Variants in H6PD observed in about 807,000 individuals in gnomAD.
H6PD encodes GDH/6PGL endoplasmic bifunctional protein.
Under a neutral mutation model 61.2 loss-of-function variants are expected in H6PD, and 48 were observed. The observed-to-expected ratio is 0.78, with a 90% CI of 0.62 to 1.00. The LOEUF is 1.00. Among genes scored for constraint, H6PD ranks in the 50% least tolerant of loss-of-function variants. H6PD has a pLI of 0.00. For synonymous variants in H6PD, 480 were observed against 457.9 expected (o/e 1.05, Z -0.62); for missense variants, 1,093 against 1,065.0 (o/e 1.03, Z -0.37).
At position 9,264,098 on chromosome 1, in the gene H6PD, G is replaced by T; in HGVS notation, c.1605G>T (p.Gly535=). The change falls in exon 5 of 5, where the codon GGG becomes GGT. Residue 535 remains glycine, a synonymous_variant. Coordinates refer to ENST00000377403, the MANE Select transcript of H6PD (RefSeq NM_004285.4). ...CGGAGCAGCTGGTGCCAGGGCCAGGGCCGGCCCCAATGCCCAGTGACTTCC... is the reference window on the plus strand; with the variant it reads ...CGGAGCAGCTGGTGCCAGGGCCAGGTCCGGCCCCAATGCCCAGTGACTTCC... ...QQPEQLVPGP[G]PAPMPSDFQV... The T allele has an allele frequency of 6.2e-7, 1 of 1,613,974 alleles. No homozygotes were observed.
chr1:9,237,016 C>G (rs941045052), intron 1 of H6PD, among the ~76,000 whole-genome samples: 4 of 152,114 alleles, frequency 2.6e-5, no homozygotes, highest in Non-Finnish European at 4.4e-5. Flanking sequence ...AGTTAGTGTT[C>G]GGAACAGCTT....
chr1:9,260,254 A>T (rs1190623399), intron 3 of H6PD, among the ~76,000 whole-genome samples: 1 of 146,648 alleles, frequency 6.8e-6, no homozygotes, highest in Non-Finnish European at 1.5e-5. Flanking sequence ...TCGTTACACC[A>T]GTGCTGTTAT....
intron 3 of H6PD, among the ~76,000 whole-genome samples, chr1:9,258,642 A>C (rs1368117661): frequency 1.4e-5 from 2 of 146,804 alleles, no homozygotes; most frequent in African/African-American, 5.3e-5. Flanking sequence ...GTGTTGTGCC[A>C]GTGTTATGCC....
chr1:9,243,477 A>C (rs1641058939), intron 1 of H6PD, among the ~76,000 whole-genome samples: 1 of 151,944 alleles, frequency 6.6e-6, no homozygotes, highest in African/African-American at 2.4e-5. Context: ...CCCCATTTCC[A>C]CCGTGGATTT....
chr1:9,253,852 C>G (rs2100358200), intron 3 of H6PD, among the ~76,000 whole-genome samples: 1 of 152,340 alleles, frequency 6.6e-6, no homozygotes, highest in Non-Finnish European at 1.5e-5. Flanking sequence ...GGTAGCCCTT[C>G]TCTTACAGCA....
chr1:9,263,678 C>T lies in H6PD; in HGVS notation c.1185C>T (p.Pro395=). Reference sequence around the variant, plus strand: ...CCGCGGCGCAGAGCCAGTGCCTGCCCCGGCAGCTCGTCTTCCACATCGGCC... The same window carrying T: ...CCGCGGCGCAGAGCCAGTGCCTGCCTCGGCAGCTCGTCTTCCACATCGGCC... ...HWAAAQSQCL[P]RQLVFHIGHG... The change falls in exon 5 of 5, where the codon CCC becomes CCT. Residue 395 remains proline, a synonymous_variant. Coordinates refer to ENST00000377403, the MANE Select transcript of H6PD (RefSeq NM_004285.4). 5 of 1,614,060 alleles carry T rather than the reference C, an allele frequency of 3.1e-6. No homozygotes were observed. The highest frequency in any genetic ancestry group is 3.4e-6 in the Non-Finnish European group (4 of 1,180,016).
chr1:9,245,010 GTC>G lies in H6PD; in HGVS notation c.79_80del (p.Ser27HisfsTer12). On this transcript the variant is annotated frameshift_variant, in exon 2 of 5. Coordinates refer to ENST00000377403, the MANE Select transcript of H6PD (RefSeq NM_004285.4). LOFTEE classifies it high-confidence loss of function. The surrounding 1 kb of genome is among the most constrained non-coding windows in gnomAD (Gnocchi z 4.8). ...GCAAGCCCAGGAGCTCCAGGGACATGTCTCCATAATCCTGCTGGGAGCAACTG... is the reference window on the plus strand; with the variant it reads ...GCAAGCCCAGGAGCTCCAGGGACATGTCCATAATCCTGCTGGGAGCAACTG... The part of the protein sequence containing the change: ...CLQAQELQGH[V>X]SIILLGATGD... 6.2e-7 allele frequency: 1 copy of G among 1,614,184 alleles called. No individual in the cohort carries two copies. Among genetic ancestry groups the G allele is most frequent in the Non-Finnish European group, 8.5e-7 (1 of 1,179,990 alleles).
intron 3 of H6PD, among the ~76,000 whole-genome samples, chr1:9,248,028 A>G (rs1641239893): frequency 6.6e-6 from 1 of 152,218 alleles, no homozygotes; most frequent in African/African-American, 2.4e-5. Flanking sequence ...CCCACAGTAG[A>G]AGGCGGTGGA....
At chr1:9,241,393 ATTTATTTAT>A (rs1490227241) in intron 1 of H6PD, among the ~76,000 whole-genome samples, 2 of 151,066 alleles carry the variant, frequency 1.3e-5, no homozygotes, top group African/African-American at 4.9e-5. Context: ...TAGCTGATTT[ATTTATTTAT>A]TTTATTTATT....
At position 9,269,587 on chromosome 1, in the gene H6PD, G is replaced by T. The variant is rs1227681264; in HGVS notation, c.*4718G>T. On this transcript the variant is annotated 3_prime_UTR_variant, in exon 5 of 5. Transcript: ENST00000377403. This position sits in a 1 kb window ranked among gnomAD's most constrained non-coding sequence, Gnocchi z 4.3. ...CCAGCAAGTGTGAGTCCCGGTGTCAGTCGGCACAGTCCAGTGTCCATCTGC... is the reference window on the plus strand; with the variant it reads ...CCAGCAAGTGTGAGTCCCGGTGTCATTCGGCACAGTCCAGTGTCCATCTGC... 1.3e-5 allele frequency: 2 copies of T among 152,294 alleles called. No homozygotes were observed. Among genetic ancestry groups the T allele is most frequent in the South Asian group, 4.1e-4 (2 of 4,834 alleles). The allele number at this position is 152,294 out of a possible 1,614,324, so 9.4% of individuals were successfully genotyped here. A position where few individuals can be genotyped will look rare whatever the true frequency, so the allele number is the denominator to read the frequency against.
At chr1:9,252,020 C>G (rs766589673) in intron 3 of H6PD, among the ~76,000 whole-genome samples, 45 of 151,902 alleles carry the variant, frequency 3.0e-4, no homozygotes, top group Non-Finnish European at 1.8e-4. Flanking sequence ...GCCCCGGCAC[C>G]TCTCTCTCTC....
In H6PD at chr1:9,264,293, G is replaced by A; in HGVS notation, c.1800G>A (p.Gln600=). Reference sequence around the variant, plus strand: ...GCTCGAGCCCCGTGGCCCTGTTCCAGCAGCTGGCCACGGCGCACTATGGCT... The same window carrying A: ...GCTCGAGCCCCGTGGCCCTGTTCCAACAGCTGGCCACGGCGCACTATGGCT... The part of the protein sequence containing the change: ...SGGSSPVALF[Q]QLATAHYGFP... The change falls in exon 5 of 5, where the codon CAG becomes CAA. Residue 600 remains glutamine (Q), a synonymous_variant. Coordinates refer to ENST00000377403, the MANE Select transcript of H6PD (RefSeq NM_004285.4). The A allele has an allele frequency of 6.2e-7, 1 of 1,610,862 alleles. No individual in the cohort carries two copies. The highest frequency in any genetic ancestry group is 2.2e-5 in the East Asian group (1 of 44,840).
At chr1:9,242,673 C>A (rs933690090) in intron 1 of H6PD, 2 of 985,294 alleles carry the variant, frequency 2.0e-6, no homozygotes, top group Non-Finnish European at 2.4e-6. Context: ...CCTTGGGGCT[C>A]CCCCACCTGC....
At chr1:9,246,101 C>G (rs1374463697) in intron 2 of H6PD, among the ~76,000 whole-genome samples, 1 of 152,024 alleles carries the variant, frequency 6.6e-6, no homozygotes, top group African/African-American at 2.4e-5. Context: ...CATCACCATG[C>G]CCGGCTAATT....
At chr1:9,262,883 A>G (rs766873403) in intron 4 of H6PD, among the ~76,000 whole-genome samples, 6 of 152,230 alleles carry the variant, frequency 3.9e-5, no homozygotes, top group Non-Finnish European at 7.3e-5. Flanking sequence ...ACCACGAGGC[A>G]GGGGCCATTA....
intron 3 of H6PD, among the ~76,000 whole-genome samples, chr1:9,261,488 CT>C (rs2100387268): frequency 6.6e-6 from 1 of 152,318 alleles, no homozygotes; most frequent in African/African-American, 2.4e-5. Flanking sequence ...TGTTTACTTC[CT>C]TTTCTCTTCT....
chr1:9,243,494 A>C (rs1182646479), intron 1 of H6PD, among the ~76,000 whole-genome samples: 1 of 152,098 alleles, frequency 6.6e-6, no homozygotes, highest in African/African-American at 2.4e-5. Context: ...ATTTCTGACT[A>C]GTTCCCATGG....
chr1:9,244,461 C>A (rs1176135399), intron 1 of H6PD, among the ~76,000 whole-genome samples: 1 of 152,208 alleles, frequency 6.6e-6, no homozygotes, highest in African/African-American at 2.4e-5. Flanking sequence ...GGAGAAGAGG[C>A]AAGTGAGAGG....
intron 1 of H6PD, 49 bp from the exon 2 acceptor site, chr1:9,244,876 C>T (rs1438047389): frequency 6.4e-7 from 1 of 1,574,292 alleles, no homozygotes; most frequent in South Asian, 1.1e-5. Context: ...GCCACCTGAA[C>T]CATGTCTGAT....
Sources: allele counts gnomAD v4.1 joint callset (sites outside exome capture counted in the v4.1 genomes callset), GRCh38; gene constraint gnomAD v4.1.1; non-coding constraint Gnocchi (gnomAD v3.1); transcripts MANE v1.5; gene names NCBI Gene and HGNC (gene_info 2026-07-23, HGNC 2026-07-21).